The following SKA2 variants were observed in gnomAD, a reference collection of about 807,000 sequenced individuals.
SKA2 encodes the protein spindle and kinetochore-associated protein 2.
Under a neutral mutation model 16.9 loss-of-function variants are expected in SKA2, and 13 were observed. The observed-to-expected ratio is 0.77, with a 90% CI of 0.50 to 1.22. The LOEUF is 1.22. Ranked by LOEUF, SKA2 falls within the 50% of genes most tolerant of loss-of-function variation. The pLI is 0.00. For missense variants in SKA2, 107 were observed against 139.7 expected (o/e 0.77, Z 1.18); for synonymous variants, 47 against 48.5 (o/e 0.97, Z 0.13).
chr17:59,131,343 C>G lies in SKA2; in HGVS notation c.58G>C (p.Asp20His). The G allele has an allele frequency of 6.4e-7, 1 of 1,570,076 alleles. No individual in the cohort carries two copies. The highest frequency in any genetic ancestry group is 8.7e-7 in the Non-Finnish European group (1 of 1,155,028). Residue 20 changes from aspartate to histidine, a missense_variant, in exon 2 of 4, where the codon GAT becomes CAT. Asp to His is a moderately conservative substitution (Grantham distance 81). Coordinates refer to ENST00000330137, the MANE Select transcript of SKA2 (RefSeq NM_182620.4). ...LMFQKAESDL[D>H]YIQYRLEYEI... Reference sequence around the variant, plus strand: ...TATTCCAGCCTGTATTGAATGTAATCCAGATCAGACTCAGCTTTCTGGAAC... The same window carrying G: ...TATTCCAGCCTGTATTGAATGTAATGCAGATCAGACTCAGCTTTCTGGAAC...
intron 3 of SKA2, among the ~76,000 whole-genome samples, chr17:59,115,521 A>G (rs1245838801): frequency 6.6e-6 from 1 of 152,212 alleles, no homozygotes; most frequent in Non-Finnish European, 1.5e-5. Flanking sequence ...ACGTCTTACT[A>G]CAACCCAGTT....
intron 1 of SKA2, chr17:59,137,711 C>T (rs2046456343): frequency 2.0e-6 from 1 of 502,700 alleles, no homozygotes; most frequent in Non-Finnish European, 4.0e-6. Context: ...TCCTTGTTTT[C>T]TTCCTAAAGA....
Position 59,119,200 on chromosome 17 carries a change from C to A in SKA2, c.297+119G>T, listed in dbSNP as rs2046315996. 3 of 1,097,818 alleles carry A rather than the reference C, an allele frequency of 2.7e-6. No individual in the cohort carries two copies. In the African/African-American group the frequency reaches 4.8e-5, roughly 17 times the overall value. 68.0% of individuals were successfully genotyped at this position (1,097,818 alleles called of 1,614,324 possible). ...TTATACTTCAGGGTATCAGGAAAATCTTTCAATAGTTCAAACTGACTGCTG... is the reference window on the plus strand; with the variant it reads ...TTATACTTCAGGGTATCAGGAAAATATTTCAATAGTTCAAACTGACTGCTG... On this transcript the variant is annotated intron_variant, in intron 3 of 3. Transcript: ENST00000330137.
At chr17:59,129,962 A>G (rs912766670) in intron 2 of SKA2, among the ~76,000 whole-genome samples, 31 of 133,584 alleles carry the variant, frequency 2.3e-4, no homozygotes, top group African/African-American at 8.3e-4. Flanking sequence ...GGAGGGAAGG[A>G]AGGAAGGGAG....
intron 3 of SKA2, among the ~76,000 whole-genome samples, chr17:59,117,509 GC>G: frequency 6.6e-6 from 1 of 151,994 alleles, no homozygotes; most frequent in Non-Finnish European, 1.5e-5. Context: ...GGATCCTTCT[GC>G]CCCAAATAGT....
chr17:59,117,252 G>A (rs1385400615), intron 3 of SKA2, among the ~76,000 whole-genome samples: 1 of 152,100 alleles, frequency 6.6e-6, no homozygotes, highest in Non-Finnish European at 1.5e-5. Flanking sequence ...CTCTACAGAT[G>A]TCATTCCCAT....
At chr17:59,136,950 A>G (rs2046449961) in intron 1 of SKA2, among the ~76,000 whole-genome samples, 1 of 152,224 alleles carries the variant, frequency 6.6e-6, no homozygotes, top group African/African-American at 2.4e-5. Context: ...TTTCTTATGT[A>G]GTTAGACAAA....
chr17:59,143,796 A>T (rs2046510927), intron 1 of SKA2, among the ~76,000 whole-genome samples: 2 of 152,168 alleles, frequency 1.3e-5, no homozygotes, highest in Non-Finnish European at 2.9e-5. Context: ...GGATGTTTAC[A>T]TGTAGATGTT....
chr17:59,147,580 A>C (rs2046543262), intron 1 of SKA2, among the ~76,000 whole-genome samples: 1 of 151,834 alleles, frequency 6.6e-6, no homozygotes, highest in African/African-American at 2.4e-5. Context: ...CTTTCTTCTG[A>C]AATTCAATGC....
At chr17:59,117,142 G>T (rs972612297) in intron 3 of SKA2, among the ~76,000 whole-genome samples, 2 of 151,792 alleles carry the variant, frequency 1.3e-5, no homozygotes, top group Non-Finnish European at 2.9e-5. Context: ...TAATTTCACA[G>T]GTTTGTCCCT....
chr17:59,144,112 C>T (rs1011837968), intron 1 of SKA2, among the ~76,000 whole-genome samples: 15 of 152,020 alleles, frequency 9.9e-5, no homozygotes, highest in Admixed American at 7.9e-4. Context: ...GCCGAGATCA[C>T]GCCCCCAGAG....
chr17:59,141,678 C>A (rs574712767), intron 1 of SKA2, among the ~76,000 whole-genome samples: 1 of 143,790 alleles, frequency 7.0e-6, no homozygotes, highest in Non-Finnish European at 1.5e-5. Context: ...GAGTGGTGAT[C>A]ACATCACTGC....
At chr17:59,113,780 T>C (rs2147790910) in intron 3 of SKA2, among the ~76,000 whole-genome samples, 1 of 150,818 alleles carries the variant, frequency 6.6e-6, no homozygotes, top group African/African-American at 2.4e-5. Flanking sequence ...GAGCCAAGAT[T>C]ACGCCATTGC....
intron 1 of SKA2, among the ~76,000 whole-genome samples, chr17:59,137,592 C>A (rs772220606): frequency 1.3e-5 from 2 of 152,118 alleles, no homozygotes; most frequent in African/African-American, 4.8e-5. Context: ...TCCATTATTT[C>A]TTTATACTAC....
chr17:59,112,126 T>G lies in SKA2; in HGVS notation c.*151A>C, dbSNP rs112676805. On this transcript the variant is annotated 3_prime_UTR_variant, in exon 4 of 4. Transcript: ENST00000330137. ...TATCTGCCCTTCTTCTTATAATCTC[T>G]CTCATGAAAGATATCATTATCCAGT... 394 of 614,116 alleles carry G rather than the reference T, an allele frequency of 6.4e-4. 2 individuals are homozygous for G. The Middle Eastern group carries it at 6.7e-3, about 10-fold the overall frequency. The allele number at this position is 614,116 out of a possible 1,614,324, so 38.0% of individuals were successfully genotyped here. A position where few individuals can be genotyped will look rare whatever the true frequency, so the allele number is the denominator to read the frequency against.
chr17:59,133,228 C>T (rs779490870), intron 1 of SKA2, among the ~76,000 whole-genome samples: 1 of 152,232 alleles, frequency 6.6e-6, no homozygotes, highest in Non-Finnish European at 1.5e-5. Flanking sequence ...TCCCGAAGTG[C>T]TGGAATTACA....
At chr17:59,144,096 C>T (rs1051377055) in intron 1 of SKA2, among the ~76,000 whole-genome samples, 4 of 151,906 alleles carry the variant, frequency 2.6e-5, no homozygotes, top group Non-Finnish European at 5.9e-5. Context: ...GCCGAGGTTG[C>T]AATAAGCCGA....
intron 2 of SKA2, 145 bp from the exon 3 acceptor site, chr17:59,119,640 G>C (rs1399926468): frequency 1.4e-6 from 1 of 724,470 alleles, no homozygotes; most frequent in Non-Finnish European, 2.2e-6. Flanking sequence ...CATGACATCA[G>C]ATGGGAGGTG....
intron 1 of SKA2, among the ~76,000 whole-genome samples, chr17:59,142,683 C>G (rs1417251234): frequency 2.0e-5 from 3 of 151,416 alleles, no homozygotes; most frequent in African/African-American, 4.8e-5. Flanking sequence ...TCCCAGCACT[C>G]TGGGAAGCCG....
Sources: allele counts gnomAD v4.1 joint callset (sites outside exome capture counted in the v4.1 genomes callset), GRCh38; gene constraint gnomAD v4.1.1; transcripts MANE v1.5; gene names NCBI Gene and HGNC (gene_info 2026-07-23, HGNC 2026-07-21).